Variants in GSK3A observed in about 807,000 individuals in gnomAD.
GSK3A encodes the protein glycogen synthase kinase 3 alpha.
Under a neutral mutation model 56.6 loss-of-function variants are expected in GSK3A, and 14 were observed. The ratio of observed to expected loss-of-function variants is 0.25; its 90% CI spans 0.16 to 0.39. GSK3A has a LOEUF of 0.39. GSK3A is among the 10% of genes least tolerant of loss of function. The pLI is 1.00. For synonymous variants in GSK3A, 301 were observed against 285.0 expected (o/e 1.06, Z -0.56); for missense variants, 450 against 656.0 (o/e 0.69, Z 3.43).
chr19:42,232,240 T>A (rs1038076236), intron 9 of GSK3A, 91 bp from the exon 10 acceptor site: 2 of 834,176 alleles, frequency 2.4e-6, no homozygotes, highest in African/African-American at 3.4e-5. Flanking sequence ...GGAAGGCCAG[T>A]TGTTTGTGGA....
intron 4 of GSK3A, 78 bp downstream of exon 4, chr19:42,236,528 G>T: frequency 1.1e-6 from 1 of 870,666 alleles, no homozygotes; most frequent in South Asian, 1.3e-5. Flanking sequence ...GGCGGATGAG[G>T]GATCCCATAA....
intron 1 of GSK3A, chr19:42,241,872 ATAT>A (rs2036294135): frequency 3.6e-6 from 1 of 275,952 alleles, no homozygotes. Flanking sequence ...CTCTGATCCA[ATAT>A]TATAATGAAT....
rs370274345 is a variant in GSK3A, at chr19:42,230,800, G to A, written c.1446C>T (p.Ser482=). The change falls in exon 11 of 11, where the codon TCC becomes TCT. Residue 482 remains serine (S), a synonymous_variant. Transcript: ENST00000222330. ...STDATPTLTN[S]S is the part of the protein sequence containing the mutation. ...AGGGTGCTTGGTGGGGCCCTCAGGA[G>A]GAGTTAGTGAGGGTAGGTGTGGCAT... 1 of 1,558,098 alleles carries A rather than the reference G, an allele frequency of 6.4e-7. No homozygotes were observed. Among genetic ancestry groups the A allele is most frequent in the African/African-American group, 1.4e-5 (1 of 73,552 alleles).
chr19:42,242,296 C>A lies in GSK3A; in HGVS notation c.170G>T (p.Gly57Val). ...GGAGCTCGAGGCCCCGACGCCCCCA[C>A]CCATGGCCCCGACAGATGCCTTTCC... Reference protein sequence around the residue: ...GGGKASVGAMGGGVGASSSGG... With the variant: ...GGGKASVGAMVGGVGASSSGG... Residue 57 changes from glycine to valine, a missense_variant, in exon 1 of 11, where the codon GGT becomes GTT. Around this residue, in one of 3 missense-constraint regions of GSK3A, gnomAD observed 193 missense variants for 200.5 expected, o/e 0.96. Transcript: ENST00000222330. 3.5e-6 allele frequency: 5 copies of A among 1,445,368 alleles called. No individual in the cohort carries two copies. Among genetic ancestry groups the A allele is most frequent in the Non-Finnish European group, 4.5e-6 (5 of 1,105,748 alleles). 89.5% of individuals were successfully genotyped at this position (1,445,368 alleles called of 1,614,324 possible).
chr19:42,238,400 AAT>A (rs1163410710), intron 2 of GSK3A, among the ~76,000 whole-genome samples: 1 of 150,748 alleles, frequency 6.6e-6, no homozygotes, highest in Non-Finnish European at 1.5e-5. Flanking sequence ...AAAAAAAAAA[AAT>A]AGAGACCATC....
At chr19:42,230,993 G>A in intron 10 of GSK3A, 126 bp from the exon 11 acceptor site, 1 of 727,272 alleles carries the variant, frequency 1.4e-6, no homozygotes, top group South Asian at 1.6e-5. Flanking sequence ...TACTTTAGGT[G>A]AAGGGTTGCA....
In GSK3A at chr19:42,234,384, G is replaced by A; in HGVS notation, c.873C>T (p.Ile291=). The A allele has an allele frequency of 6.2e-7, 1 of 1,614,118 alleles. No homozygotes were observed. Among genetic ancestry groups the A allele is most frequent in the Non-Finnish European group, 8.5e-7 (1 of 1,179,940 alleles). ...CSRYYRAPEL[I]FGATDYTSSI... Reference sequence around the variant, plus strand: ...ATGAGGTGTAATCAGTGGCTCCAAAGATGAGCTCTGGGGCCCGGTAGTAGC... The same window carrying A: ...ATGAGGTGTAATCAGTGGCTCCAAAAATGAGCTCTGGGGCCCGGTAGTAGC... Residue 291 remains isoleucine (I), a synonymous_variant, in exon 6 of 11, where the codon ATC becomes ATT. Transcript: ENST00000222330. The surrounding 1 kb of genome is among the most constrained non-coding windows in gnomAD (Gnocchi z 5.7).
chr19:42,239,911 C>G, intron 2 of GSK3A, 44 bp downstream of exon 2: 1 of 1,538,340 alleles, frequency 6.5e-7, no homozygotes, highest in Non-Finnish European at 9.0e-7. Flanking sequence ...CCACCAGTCA[C>G]ACCCAGTCCC....
chr19:42,239,455 T>A (rs2036278168), intron 2 of GSK3A, among the ~76,000 whole-genome samples: 1 of 152,176 alleles, frequency 6.6e-6, no homozygotes, highest in South Asian at 2.1e-4. Flanking sequence ...GGCACCTCCA[T>A]TCCATTCTGC....
intron 8 of GSK3A, 83 bp from the exon 9 acceptor site, chr19:42,232,765 C>A: frequency 8.4e-7 from 1 of 1,192,056 alleles, no homozygotes; most frequent in Non-Finnish European, 1.2e-6. Flanking sequence ...ACAGTGCCTG[C>A]GGCAAGTTAT....
chr19:42,234,410 G>A lies in GSK3A; in HGVS notation c.847C>T (p.Arg283Cys), dbSNP rs759105475. Residue 283 changes from arginine to cysteine, a missense_variant, in exon 6 of 11, where the codon CGC (arginine) becomes TGC (cysteine). Coordinates refer to ENST00000222330, the MANE Select transcript of GSK3A (RefSeq NM_019884.3). This position sits in a 1 kb window ranked among gnomAD's most constrained non-coding sequence, Gnocchi z 5.7. ...ATGAGCTCTGGGGCCCGGTAGTAGC[G>A]AGAACAGATGTAGGAGACATTGGGC... ...GEPNVSYICS[R>C]YYRAPELIFG... 1 of 1,614,196 alleles carries A rather than the reference G, an allele frequency of 6.2e-7. No individual in the cohort carries two copies. The highest frequency in any genetic ancestry group is 2.2e-5 in the East Asian group (1 of 44,890).
chr19:42,230,744 G>T lies in GSK3A; in HGVS notation c.*50C>A. 2 of 1,397,098 alleles carry T rather than the reference G, an allele frequency of 1.4e-6. No individual in the cohort carries two copies. The highest frequency in any genetic ancestry group is 9.9e-7 in the Non-Finnish European group (1 of 1,005,972). The allele number at this position is 1,397,098 out of a possible 1,614,324, so 86.5% of individuals were successfully genotyped here. The stretch of plus-strand genomic sequence containing the variant: ...TGATGGGCTATGGCCCCCCTTCCCA[G>T]CCCCTCTTGGGGCTCCCAGATGGAA... On this transcript the variant is annotated 3_prime_UTR_variant, in exon 11 of 11. Transcript: ENST00000222330.
At chr19:42,232,753 C>T (rs1000824489) in intron 8 of GSK3A, 71 bp from the exon 9 acceptor site, 14 of 1,290,598 alleles carry the variant, frequency 1.1e-5, no homozygotes, top group Non-Finnish European at 1.5e-5. Flanking sequence ...TATCTCACTG[C>T]CACAGTGCCT....
chr19:42,242,427 G>GC lies in GSK3A; in HGVS notation c.38dup (p.Ser14LeufsTer7). ...ACGAGCTAGTCCGCGCCCTGCCCGAGCCCCCAGGGCCGCCTCCCGAAGGCC... is the reference window on the plus strand; with the variant it reads ...ACGAGCTAGTCCGCGCCCTGCCCGAGCCCCCCAGGGCCGCCTCCCGAAGGCC... On this transcript the variant is annotated frameshift_variant, in exon 1 of 11. Transcript: ENST00000222330. LOFTEE classifies it high-confidence loss of function. The GC allele has an allele frequency of 1.5e-6, 2 of 1,303,522 alleles. No homozygotes were observed. The highest frequency in any genetic ancestry group is 4.2e-5 in the South Asian group (2 of 48,036). 80.7% of individuals were successfully genotyped at this position (1,303,522 alleles called of 1,614,324 possible).
At position 42,239,938 on chromosome 19, in the gene GSK3A, C is replaced by A; in HGVS notation, c.471+17G>T. 1 of 1,610,706 alleles carries A rather than the reference C, an allele frequency of 6.2e-7. No individual in the cohort carries two copies. Among genetic ancestry groups the A allele is most frequent in the East Asian group, 2.2e-5 (1 of 44,834 alleles). On this transcript the variant is annotated intron_variant, in intron 2 of 10. Coordinates refer to ENST00000222330, the MANE Select transcript of GSK3A (RefSeq NM_019884.3). ...CCCAGTCCCCAAACCTCCCTGTCCCCATCCCGCCCAAGCTACCTTGAACCT... is the reference window on the plus strand; with the variant it reads ...CCCAGTCCCCAAACCTCCCTGTCCCAATCCCGCCCAAGCTACCTTGAACCT...
At chr19:42,237,000 C>G in intron 2 of GSK3A, 59 bp from the exon 3 acceptor site, 2 of 1,137,452 alleles carry the variant, frequency 1.8e-6, no homozygotes, top group Non-Finnish European at 2.7e-6. Flanking sequence ...CTCCTCCCTA[C>G]TCACACTCAC....
At chr19:42,236,499 C>A (rs2036257944) in intron 4 of GSK3A, 107 bp downstream of exon 4, 1 of 781,296 alleles carries the variant, frequency 1.3e-6, no homozygotes. Context: ...ATGGGGCCTC[C>A]AAAAACCAAC....
rs902021155 is a variant in GSK3A, at chr19:42,230,379, G to A, written c.*415C>T. The A allele has an allele frequency of 1.6e-5, 3 of 189,884 alleles. No homozygotes were observed. Among genetic ancestry groups the A allele is most frequent in the Admixed American group, 5.4e-5 (1 of 18,434 alleles). 11.8% of individuals were successfully genotyped at this position (189,884 alleles called of 1,614,324 possible). On this transcript the variant is annotated 3_prime_UTR_variant, in exon 11 of 11. Transcript: ENST00000222330. ...GGGGCGGGGCCAGGTTGGACGGTGCGAATCGACGTTTTCTTTAAGAAAAAA... is the reference window on the plus strand; with the variant it reads ...GGGGCGGGGCCAGGTTGGACGGTGCAAATCGACGTTTTCTTTAAGAAAAAA...
intron 10 of GSK3A, among the ~76,000 whole-genome samples, chr19:42,231,417 C>G (rs529197954): frequency 3.3e-5 from 5 of 151,978 alleles, no homozygotes; most frequent in Non-Finnish European, 7.4e-5. Context: ...CCCATTGCTG[C>G]CCAATCTGAT....
Sources: allele counts gnomAD v4.1 joint callset (sites outside exome capture counted in the v4.1 genomes callset), GRCh38; gene constraint gnomAD v4.1.1; regional missense constraint gnomAD v4.1.1; non-coding constraint Gnocchi (gnomAD v3.1); transcripts MANE v1.5; gene names NCBI Gene and HGNC (gene_info 2026-07-23, HGNC 2026-07-21).